Variants in SVEP1 observed in about 807,000 individuals in gnomAD.
SVEP1 encodes sushi, von Willebrand factor type A, EGF and pentraxin domain-containing protein 1.
In SVEP1, 164 loss-of-function variants were observed where a neutral mutation model predicts 367.3. That is an observed-to-expected ratio of 0.45 (90% confidence interval 0.39 to 0.51). The LOEUF is 0.51. SVEP1 is among the 20% of genes least tolerant of loss of function. The pLI, the probability that SVEP1 is intolerant of heterozygous loss-of-function variation, is 0.00. For missense variants in SVEP1, 4,117 were observed against 4,425.3 expected (o/e 0.93, Z 1.98); for synonymous variants, 1,666 against 1,611.6 (o/e 1.03, Z -0.81).
At chr9:110,455,752 C>T (rs187750765) in intron 21 of SVEP1, 49 bp from the exon 22 acceptor site, 41 of 1,405,672 alleles carry the variant, frequency 2.9e-5, no homozygotes, top group East Asian at 1.7e-4. Context: ...TGGGATTAAC[C>T]GAAATAGAAC....
chr9:110,453,145 T>C (rs940472917), intron 22 of SVEP1, among the ~76,000 whole-genome samples: 1 of 152,122 alleles, frequency 6.6e-6, no homozygotes, highest in African/African-American at 2.4e-5. Flanking sequence ...TTTACTAAAC[T>C]TTTTAAAATA....
At chr9:110,483,719 A>T in intron 9 of SVEP1, 26 bp from the exon 10 acceptor site, 1 of 1,528,684 alleles carries the variant, frequency 6.5e-7, no homozygotes, top group Non-Finnish European at 8.9e-7. Flanking sequence ...TCAGACAAAG[A>T]AGTCACAGCT....
chr9:110,458,583 C>A, intron 19 of SVEP1, 21 bp from the exon 20 acceptor site: 1 of 1,592,690 alleles, frequency 6.3e-7, no homozygotes, highest in Non-Finnish European at 8.6e-7. Context: ...AATAGAAAAA[C>A]ATGTCAGTGT....
chr9:110,431,978 C>T lies in SVEP1; in HGVS notation c.5290G>A (p.Val1764Ile), dbSNP rs187117443. Residue 1764 changes from valine (V) to isoleucine (I), a missense_variant, in exon 32 of 48, where the codon GTA (valine) becomes ATA (isoleucine). This residue lies in a region of SVEP1 where 2,174 missense variants were observed against 2,494.3 expected (regional missense o/e 0.87). Coordinates refer to ENST00000374469, the MANE Select transcript of SVEP1 (RefSeq NM_153366.4). ...DCSEHASCLNVDGSYICSCVP... is the reference protein window; with the variant it reads ...DCSEHASCLNIDGSYICSCVP... Reference sequence around the variant, plus strand: ...CATGAACATATGTAGGATCCATCTACGTTCAGGCAAGAAGCATGCTCACTA... The same window carrying T: ...CATGAACATATGTAGGATCCATCTATGTTCAGGCAAGAAGCATGCTCACTA... The T allele has an allele frequency of 9.9e-6, 16 of 1,613,574 alleles. No individual in the cohort carries two copies. The highest frequency in any genetic ancestry group is 6.7e-5 in the East Asian group (3 of 44,852).
At chr9:110,406,087 A>C in intron 38 of SVEP1, 73 bp downstream of exon 38, 2 of 1,491,648 alleles carry the variant, frequency 1.3e-6, no homozygotes, top group East Asian at 2.3e-5. Context: ...CAATCAGCAA[A>C]ATTTTTGATC....
At chr9:110,424,710 T>A (rs1311424759) in intron 36 of SVEP1, among the ~76,000 whole-genome samples, 1 of 152,228 alleles carries the variant, frequency 6.6e-6, no homozygotes, top group African/African-American at 2.4e-5. Flanking sequence ...GTTTCGCTCT[T>A]GTTGCCTAGG....
At chr9:110,456,776 C>T (rs896263226) in intron 21 of SVEP1, among the ~76,000 whole-genome samples, 1 of 152,144 alleles carries the variant, frequency 6.6e-6, no homozygotes, top group African/African-American at 2.4e-5. Flanking sequence ...ATACGTAATT[C>T]CTACATAATA....
intron 12 of SVEP1, among the ~76,000 whole-genome samples, chr9:110,480,078 G>T (rs1338530463): frequency 1.3e-5 from 2 of 152,090 alleles, no homozygotes; most frequent in Non-Finnish European, 2.9e-5. Context: ...GGGAATTTTT[G>T]AAAAATCCTG....
intron 1 of SVEP1, among the ~76,000 whole-genome samples, chr9:110,557,689 G>C (rs968949167): frequency 6.6e-6 from 1 of 152,046 alleles, no homozygotes; most frequent in Non-Finnish European, 1.5e-5. Flanking sequence ...AACAAACAAT[G>C]AACAACTAAC....
intron 12 of SVEP1, among the ~76,000 whole-genome samples, chr9:110,480,031 G>A (rs1829161576): frequency 1.3e-5 from 2 of 152,076 alleles, no homozygotes; most frequent in African/African-American, 4.8e-5. Context: ...GTATTTAAGG[G>A]AAGAAGATAC....
intron 9 of SVEP1, among the ~76,000 whole-genome samples, chr9:110,488,557 G>T (rs1829320668): frequency 1.3e-5 from 2 of 152,048 alleles, no homozygotes; most frequent in African/African-American, 2.4e-5. Flanking sequence ...GGTAACAAGT[G>T]TGTGGTTAAT....
intron 43 of SVEP1, among the ~76,000 whole-genome samples, chr9:110,384,857 A>T (rs1042538931): frequency 6.6e-6 from 1 of 152,214 alleles, no homozygotes; most frequent in Non-Finnish European, 1.5e-5. Flanking sequence ...ACATTCTTAC[A>T]CTATGCAGCC....
chr9:110,509,956 T>C (rs543921975), intron 5 of SVEP1, among the ~76,000 whole-genome samples: 11 of 152,328 alleles, frequency 7.2e-5, no homozygotes, highest in African/African-American at 2.6e-4. Flanking sequence ...CCAGAATCCC[T>C]TTATTGTGGT....
chr9:110,452,492 G>A (rs991603671), intron 22 of SVEP1, among the ~76,000 whole-genome samples: 3 of 152,202 alleles, frequency 2.0e-5, no homozygotes, highest in Admixed American at 6.6e-5. Flanking sequence ...TAGGCAGACG[G>A]TGGAGAGGAA....
chr9:110,396,522 G>C (rs1487699974), intron 40 of SVEP1, among the ~76,000 whole-genome samples: 2 of 152,104 alleles, frequency 1.3e-5, no homozygotes, highest in East Asian at 3.9e-4. Context: ...AGGAAATAGA[G>C]ACACAAAAAA....
At position 110,408,694 on chromosome 9, in the gene SVEP1, C is replaced by G. The variant is rs762161379; in HGVS notation, c.6906G>C (p.Trp2302Cys). The change falls in exon 38 of 48, where the codon TGG (tryptophan) becomes TGC (cysteine). Residue 2302 changes from tryptophan to cysteine, a missense_variant. Around this residue, in one of 4 missense-constraint regions of SVEP1, gnomAD observed 1,765 missense variants for 1,781.1 expected, o/e 0.99. Transcript: ENST00000374469. Reference protein sequence around the residue: ...EGYELVGDSSWTCQKSGKWNK... With the variant: ...EGYELVGDSSCTCQKSGKWNK... ...TCCATTTGCCAGATTTCTGACATGT[C>G]CAAGAACTGTCACCAACAAGCTCAT... The G allele has an allele frequency of 7.4e-6, 12 of 1,613,846 alleles. No individual in the cohort carries two copies. Among genetic ancestry groups the G allele is most frequent in the Non-Finnish European group, 1.0e-5 (12 of 1,179,904 alleles).
intron 3 of SVEP1, among the ~76,000 whole-genome samples, chr9:110,535,933 C>T (rs1830073080): frequency 6.6e-6 from 1 of 152,016 alleles, no homozygotes; most frequent in Admixed American, 6.6e-5. Flanking sequence ...GACTTCCTCT[C>T]TTCCTATTTG....
chr9:110,552,461 A>G lies in SVEP1; in HGVS notation c.532-2357T>C. Among the ~76,000 whole-genome samples, 2 of 152,104 alleles carry G rather than the reference A, an allele frequency of 1.3e-5. 1 individual carries two copies. The highest frequency in any genetic ancestry group is 4.1e-4 in the South Asian group (2 of 4,836). ...AGGATGATTCAAGCACATTATATTTATTGTGCACTTTATTTCTATTATTTT... is the reference window on the plus strand; with the variant it reads ...AGGATGATTCAAGCACATTATATTTGTTGTGCACTTTATTTCTATTATTTT... On this transcript the variant is annotated intron_variant, in intron 1 of 47. Coordinates refer to ENST00000374469, the MANE Select transcript of SVEP1 (RefSeq NM_153366.4).
intron 32 of SVEP1, among the ~76,000 whole-genome samples, chr9:110,431,158 C>T (rs886159418): frequency 1.3e-5 from 2 of 151,988 alleles, no homozygotes; most frequent in East Asian, 1.9e-4. Flanking sequence ...AGATGTATGT[C>T]CAAAGATGCT....
Sources: gnomAD v4.1 joint callset for allele counts (sites outside exome capture counted in the v4.1 genomes callset) on GRCh38, gnomAD v4.1.1 for gene constraint, gnomAD v4.1.1 regional missense constraint, MANE v1.5 for transcripts, NCBI Gene and HGNC (gene_info 2026-07-23, HGNC 2026-07-21) for gene names.